C7: variants seen among roughly 807,000 people sequenced by gnomAD.
C7 encodes complement component C7.
C7 carries 83 observed loss-of-function variants against 104.8 expected under a neutral mutation model. The observed-to-expected ratio is 0.79, with a 90% CI of 0.66 to 0.95. The LOEUF is 0.95. Ranked by LOEUF, C7 falls within the 40% of genes least tolerant of loss-of-function variation. C7 has a pLI of 0.00. For missense variants in C7, 1,070 were observed against 1,011.2 expected (o/e 1.06, Z -0.79); for synonymous variants, 415 against 360.6 (o/e 1.15, Z -1.71).
At chr5:40,950,069 T>C (rs915077490) in intron 9 of C7, 55 bp downstream of exon 9, 22 of 1,051,120 alleles carry the variant, frequency 2.1e-5, no homozygotes, top group Non-Finnish European at 2.8e-5. Context: ...TTTTTTTACT[T>C]TTAAGTTCAA....
chr5:40,947,907 T>A (rs1740085696), intron 8 of C7, 62 bp downstream of exon 8: 1 of 1,470,610 alleles, frequency 6.8e-7, no homozygotes, highest in Non-Finnish European at 9.4e-7. Flanking sequence ...GGAAATAACA[T>A]GTAGTTAATG....
At chr5:40,967,069 AT>A (rs72111743) in intron 14 of C7, among the ~76,000 whole-genome samples, 17 of 127,800 alleles carry the variant, frequency 1.3e-4, no homozygotes, top group African/African-American at 1.9e-4. Flanking sequence ...TTTTCAAAGG[AT>A]TTTTTTTTTT....
rs2111683212 is a variant in C7 at position 40,964,724 on chromosome 5, CTTTTACTTTTG to C, written c.1750-13_1750-3del. On this transcript the variant is annotated splice_region_variant and splice_polypyrimidine_tract_variant and intron_variant, in intron 13 of 17. Transcript: ENST00000313164. ...ATAGACAAACTCTTTCCTTTTCCAT[CTTTTACTTTTG>C]TTTAGGATGAAGGTACAATGTTTCC... The C allele has an allele frequency of 6.2e-7, 1 of 1,607,276 alleles. No homozygotes were observed. Among genetic ancestry groups the C allele is most frequent in the Non-Finnish European group, 8.5e-7 (1 of 1,175,952 alleles).
In C7 at chr5:40,958,252, A is replaced by C. The variant is rs1740343758; in HGVS notation, c.1480A>C (p.Asn494His). 1.8e-5 allele frequency: 29 copies of C among 1,600,924 alleles called. No homozygotes were observed. Among genetic ancestry groups the C allele is most frequent in the Non-Finnish European group, 2.4e-5 (28 of 1,172,400 alleles). ...GTGTGAGCAAGGAGTCCTCGTAGGG[A>C]ATCAAGCAGGTCAGTGGGGTGAATT... ...AACEQGVLVG[N>H]QAGGVDGGWS... Residue 494 changes from asparagine to histidine, a missense_variant, in exon 11 of 18, where the codon AAT (asparagine) becomes CAT (histidine). Coordinates refer to ENST00000313164, the MANE Select transcript of C7 (RefSeq NM_000587.4).
intron 15 of C7, among the ~76,000 whole-genome samples, chr5:40,973,327 A>G (rs1204127152): frequency 2.6e-5 from 4 of 152,210 alleles, no homozygotes; most frequent in Non-Finnish European, 5.9e-5. Flanking sequence ...TGTAACAAAA[A>G]TGAGAATGAA....
At chr5:40,913,138 CT>C (rs1354392084) in intron 1 of C7, among the ~76,000 whole-genome samples, 1 of 152,078 alleles carries the variant, frequency 6.6e-6, no homozygotes, top group Non-Finnish European at 1.5e-5. Context: ...TGGTTTCATT[CT>C]TTTTTAAAAA....
At chr5:40,950,241 C>A (rs1372923900) in intron 9 of C7, among the ~76,000 whole-genome samples, 2 of 106,766 alleles carry the variant, frequency 1.9e-5, no homozygotes, top group African/African-American at 5.5e-5. Context: ...GTGTGTTGCT[C>A]CTCTGTCTAT....
At chr5:40,948,100 T>C (rs534913740) in intron 8 of C7, among the ~76,000 whole-genome samples, 7 of 152,316 alleles carry the variant, frequency 4.6e-5, no homozygotes, top group Non-Finnish European at 8.8e-5. Flanking sequence ...GGGTATTGGC[T>C]GGGTTTTTAG....
At chr5:40,921,562 T>C (rs1054302587) in intron 1 of C7, among the ~76,000 whole-genome samples, 10 of 150,866 alleles carry the variant, frequency 6.6e-5, no homozygotes, top group South Asian at 2.1e-4. Context: ...ACTACAAAGC[T>C]ACAACAAAAG....
At chr5:40,959,827 G>A (rs1020581883) in intron 12 of C7, among the ~76,000 whole-genome samples, 2 of 152,156 alleles carry the variant, frequency 1.3e-5, no homozygotes, top group African/African-American at 4.8e-5. Flanking sequence ...ACAAAAGGCT[G>A]GGTAACTGGG....
chr5:40,939,563 G>A (rs1015536964), intron 6 of C7, among the ~76,000 whole-genome samples: 16 of 152,064 alleles, frequency 1.1e-4, no homozygotes, highest in African/African-American at 3.4e-4. Context: ...TAAATTCAAC[G>A]TGGTGAATAA....
chr5:40,927,020 A>T (rs1465418981), intron 1 of C7, among the ~76,000 whole-genome samples: 2 of 152,188 alleles, frequency 1.3e-5, no homozygotes, highest in Admixed American at 1.3e-4. Flanking sequence ...ATAGTAATTA[A>T]AACATCATGA....
chr5:40,955,641 C>A, intron 10 of C7, 88 bp downstream of exon 10: 2 of 1,178,258 alleles, frequency 1.7e-6, no homozygotes, highest in Non-Finnish European at 1.2e-6. Context: ...GATGGTTAAA[C>A]AGACATGGCT....
intron 3 of C7, among the ~76,000 whole-genome samples, chr5:40,933,147 A>G (rs1216970105): frequency 1.3e-5 from 2 of 152,148 alleles, no homozygotes; most frequent in African/African-American, 4.8e-5. Flanking sequence ...TCCTTTGCTT[A>G]AACATGATGA....
At chr5:40,914,733 G>A (rs1739283914) in intron 1 of C7, among the ~76,000 whole-genome samples, 1 of 152,104 alleles carries the variant, frequency 6.6e-6, no homozygotes, top group Admixed American at 6.6e-5. Context: ...AATCTGTTTG[G>A]TAACCCTTGG....
At chr5:40,930,934 C>A (rs2111579272) in intron 2 of C7, 130 bp from the exon 3 acceptor site, 1 of 685,158 alleles carries the variant, frequency 1.5e-6, no homozygotes, top group Non-Finnish European at 2.6e-6. Flanking sequence ...ATTTTAGGAT[C>A]CTTTTAGTGT....
intron 13 of C7, among the ~76,000 whole-genome samples, chr5:40,962,479 T>C (rs911215858): frequency 6.6e-6 from 1 of 152,220 alleles, no homozygotes; most frequent in African/African-American, 2.4e-5. Context: ...ACTGCGAATC[T>C]ACAAGCTTGC....
chr5:40,966,620 G>A (rs1469533952), intron 14 of C7, among the ~76,000 whole-genome samples: 1 of 151,972 alleles, frequency 6.6e-6, no homozygotes, highest in African/African-American at 2.4e-5. Context: ...CTCGTGATCT[G>A]CCTGAATCGG....
chr5:40,948,003 A>C (rs925443644), intron 8 of C7, among the ~76,000 whole-genome samples, 158 bp downstream of exon 8: 2 of 152,232 alleles, frequency 1.3e-5, no homozygotes, highest in African/African-American at 4.8e-5. Flanking sequence ...TTGTCTACTT[A>C]AAATCTTATA....
Sources: gnomAD v4.1 joint callset for allele counts (sites outside exome capture counted in the v4.1 genomes callset) on GRCh38, gnomAD v4.1.1 for gene constraint, MANE v1.5 for transcripts, NCBI Gene and HGNC (gene_info 2026-07-23, HGNC 2026-07-21) for gene names.